The following SHISA9 variants were observed in gnomAD, a reference collection of about 807,000 sequenced individuals.
SHISA9 encodes the protein protein shisa-9.
In SHISA9, 13 loss-of-function variants were observed where a neutral mutation model predicts 38.0. The observed-to-expected ratio is 0.34, with a 90% CI of 0.22 to 0.54. The LOEUF is 0.54. Among genes scored for constraint, SHISA9 ranks in the 20% least tolerant of loss-of-function variants. SHISA9 has a pLI of 0.91. For synonymous variants in SHISA9, 275 were observed against 242.0 expected (o/e 1.14, Z -1.27); for missense variants, 538 against 575.8 (o/e 0.93, Z 0.67).
chr16:13,472,377 A>ATTTTTTTTTTTTTTTTTT, the SHISA9 span, among the ~76,000 whole-genome samples: 1 of 55,416 alleles, frequency 1.8e-5, no homozygotes, highest in African/African-American at 7.3e-5. Flanking sequence ...GCTCTGCTAA[A>ATTTTTTTTTTTTTTTTTT]TTTTTTTTTT....
intron 2 of SHISA9, among the ~76,000 whole-genome samples, chr16:13,096,869 CTCT>C (rs2073833365): frequency 6.6e-6 from 1 of 152,084 alleles, no homozygotes; most frequent in African/African-American, 2.4e-5. Context: ...TGGATGGCTC[CTCT>C]TCTTGTCACC....
intron 2 of SHISA9, among the ~76,000 whole-genome samples, chr16:13,109,125 C>T (rs1433997113): frequency 6.6e-6 from 1 of 152,154 alleles, no homozygotes; most frequent in East Asian, 1.9e-4. Context: ...CTCTGGGGCT[C>T]AAGTGATCCT....
the SHISA9 span, among the ~76,000 whole-genome samples, chr16:13,494,946 C>G: frequency 6.1e-3 from 923 of 152,276 alleles, 10 homozygotes; most frequent in African/African-American, 0.022. Flanking sequence ...ATGTCCAGGA[C>G]GTTGCGCCTT....
chr16:12,938,387 G>T (rs563879234), intron 2 of SHISA9, among the ~76,000 whole-genome samples: 1 of 152,118 alleles, frequency 6.6e-6, no homozygotes, highest in East Asian at 1.9e-4. Context: ...CCTTATAATC[G>T]ATCTATCTGT....
At chr16:12,927,450 G>C (rs1259525664) in intron 2 of SHISA9, among the ~76,000 whole-genome samples, 1 of 152,138 alleles carries the variant, frequency 6.6e-6, no homozygotes, top group East Asian at 1.9e-4. Context: ...CTAGGCTGGA[G>C]TGCAGTGGTG....
chr16:13,361,599 G>T, the SHISA9 span, among the ~76,000 whole-genome samples: 1 of 152,182 alleles, frequency 6.6e-6, no homozygotes, highest in Admixed American at 6.5e-5. Context: ...ACTTGCCCAA[G>T]GTTGTTTGAG....
the SHISA9 span, among the ~76,000 whole-genome samples, chr16:13,413,757 CAAAAAAAAAAA>C: frequency 7.0e-4 from 37 of 52,898 alleles, no homozygotes; most frequent in Admixed American, 8.6e-3. Flanking sequence ...GACTTCATCT[CAAAAAAAAAAA>C]AAAAAAAAAA....
chr16:12,903,047 A>AG (rs1025841177), intron 1 of SHISA9: 38 of 177,432 alleles, frequency 2.1e-4, no homozygotes, highest in African/African-American at 6.5e-4. Flanking sequence ...CCGAAAGGGG[A>AG]GGGGGGCGTG....
At chr16:13,232,947 A>T (rs2051346324) in intron 4 of SHISA9, among the ~76,000 whole-genome samples, 1 of 152,210 alleles carries the variant, frequency 6.6e-6, no homozygotes, top group Non-Finnish European at 1.5e-5. Flanking sequence ...GGCCTGGAAG[A>T]AAAAATCTAG....
chr16:12,973,082 C>G (rs1175447753), intron 2 of SHISA9, among the ~76,000 whole-genome samples: 1 of 152,204 alleles, frequency 6.6e-6, no homozygotes, highest in Non-Finnish European at 1.5e-5. Context: ...TGCCGCTGTA[C>G]TCCAGCCTGG....
Position 12,902,351 on chromosome 16 carries a change from T to C in SHISA9, c.287T>C (p.Ile96Thr). 1 of 1,551,448 alleles carries C rather than the reference T, an allele frequency of 6.4e-7. No homozygotes were observed. Among genetic ancestry groups the C allele is most frequent in the South Asian group, 1.2e-5 (1 of 84,062 alleles). ...TTCAACTGCAGCTCGGGCGACTTCA[T>C]CTTCTGCTGCGGGACTTGTGGCTTC... ...PPFNCSSGDF[I>T]FCCGTCGFRF... The change falls in exon 1 of 5, where the codon ATC becomes ACC. Residue 96 changes from isoleucine (I) to threonine (T), a missense_variant. Ile to Thr is a moderately conservative substitution (Grantham distance 89, BLOSUM62 -1). Coordinates refer to ENST00000558583, the MANE Select transcript of SHISA9 (RefSeq NM_001145204.3).
At chr16:13,439,146 G>C in the SHISA9 span, among the ~76,000 whole-genome samples, 1 of 152,182 alleles carries the variant, frequency 6.6e-6, no homozygotes, top group African/African-American at 2.4e-5. Context: ...GCTCACATAA[G>C]AGCAAGAGAT....
At chr16:13,327,831 A>G in the SHISA9 span, among the ~76,000 whole-genome samples, 4 of 151,300 alleles carry the variant, frequency 2.6e-5, no homozygotes, top group African/African-American at 9.7e-5. Flanking sequence ...TAATTTTTGT[A>G]TTTTTTTAGT....
intron 2 of SHISA9, among the ~76,000 whole-genome samples, chr16:12,932,613 G>A (rs903382493): frequency 3.3e-5 from 5 of 152,208 alleles, no homozygotes; most frequent in Non-Finnish European, 5.9e-5. Flanking sequence ...AAAGTGCTGG[G>A]ATTGCAGGTG....
intron 2 of SHISA9, among the ~76,000 whole-genome samples, chr16:13,168,153 A>G (rs565038447): frequency 2.0e-5 from 3 of 152,082 alleles, no homozygotes; most frequent in Admixed American, 6.5e-5. Context: ...AAACTAACCA[A>G]TCCAAAGCCC....
At chr16:13,353,858 G>C in the SHISA9 span, among the ~76,000 whole-genome samples, 1 of 152,134 alleles carries the variant, frequency 6.6e-6, no homozygotes, top group East Asian at 1.9e-4. Flanking sequence ...TGAATACTAA[G>C]AGCCTGAAAA....
chr16:13,353,160 T>C, the SHISA9 span, among the ~76,000 whole-genome samples: 1 of 152,064 alleles, frequency 6.6e-6, no homozygotes, highest in Non-Finnish European at 1.5e-5. Flanking sequence ...TGTGGGAACC[T>C]AGAGTGGGAG....
chr16:13,115,254 C>G (rs1189886051), intron 2 of SHISA9, among the ~76,000 whole-genome samples: 1 of 152,182 alleles, frequency 6.6e-6, no homozygotes, highest in East Asian at 1.9e-4. Flanking sequence ...TAAAGACACA[C>G]ACACAGAAAT....
At chr16:13,047,551 G>A (rs6498379) in intron 2 of SHISA9, among the ~76,000 whole-genome samples, 118,513 of 152,146 alleles carry the variant, frequency 0.78, 46,622 homozygotes, top group African/African-American at 0.89. Context: ...CCTGGGGATT[G>A]TCTTTTTGAT....
Sources: allele counts gnomAD v4.1 joint callset (sites outside exome capture counted in the v4.1 genomes callset), GRCh38; gene constraint gnomAD v4.1.1; transcripts MANE v1.5; gene names NCBI Gene and HGNC (gene_info 2026-07-23, HGNC 2026-07-21).